Variants in HTRA3 observed in about 807,000 individuals in gnomAD.
The protein encoded by HTRA3 is serine protease HTRA3.
A neutral mutation model predicts 43.2 loss-of-function variants in HTRA3; 41 were observed. The observed-to-expected ratio is 0.95, with a 90% CI of 0.74 to 1.23. HTRA3 has a LOEUF of 1.23. Ranked by LOEUF, HTRA3 falls within the 50% of genes most tolerant of loss-of-function variation. HTRA3 has a pLI of 0.00. For synonymous variants in HTRA3, 295 were observed against 287.9 expected (o/e 1.02, Z -0.25); for missense variants, 628 against 647.1 (o/e 0.97, Z 0.32).
chr4:8,273,612 C>A (rs138044571), intron 1 of HTRA3, among the ~76,000 whole-genome samples: 1 of 150,776 alleles, frequency 6.6e-6, no homozygotes, highest in East Asian at 2.0e-4. Flanking sequence ...GCCCCCGGGT[C>A]TCTCCTGAGT....
chr4:8,275,207 C>T (rs986495222), intron 1 of HTRA3, among the ~76,000 whole-genome samples: 6 of 152,206 alleles, frequency 3.9e-5, no homozygotes, highest in African/African-American at 9.6e-5. Context: ...CCCTTCCTGC[C>T]GGGGCTTGGC....
intron 5 of HTRA3, among the ~76,000 whole-genome samples, 159 bp from the exon 6 acceptor site, chr4:8,293,928 G>T (rs1277278205): frequency 1.3e-5 from 2 of 152,048 alleles, no homozygotes; most frequent in African/African-American, 4.8e-5. Context: ...ACTGACACAG[G>T]TGTGATCCTG....
At position 8,292,323 on chromosome 4, in the gene HTRA3, C is replaced by A. The variant is rs367887152; in HGVS notation, c.906C>A (p.Tyr302Ter). ...DYIQTDAIINYGNSGGPLVNL... is the reference protein window; with the variant it reads ...DYIQTDAIIN ...AATGCTGTTTCCTCCCCTTGCAGTA[C>A]GGGAACTCCGGGGGACCACTGGTGA... Residue 302 changes from tyrosine to a stop codon, truncating the protein, a stop_gained and splice_region_variant, in exon 5 of 9, where the codon TAC becomes TAA. Transcript: ENST00000307358. LOFTEE classifies it high-confidence loss of function. 1 of 1,613,012 alleles carries A rather than the reference C, an allele frequency of 6.2e-7. No individual in the cohort carries two copies. Among genetic ancestry groups the A allele is most frequent in the East Asian group, 2.2e-5 (1 of 44,852 alleles).
At chr4:8,270,842 C>A (rs974693508) in intron 1 of HTRA3, among the ~76,000 whole-genome samples, 1 of 152,090 alleles carries the variant, frequency 6.6e-6, no homozygotes, top group Non-Finnish European at 1.5e-5. Flanking sequence ...CTGCTTAGGG[C>A]GCCCCAGGGA....
At chr4:8,287,111 G>A (rs1265846556) in intron 3 of HTRA3, among the ~76,000 whole-genome samples, 1 of 152,352 alleles carries the variant, frequency 6.6e-6, no homozygotes, top group Non-Finnish European at 1.5e-5. Context: ...TACTGGGGAT[G>A]CACCTGCCCC....
At chr4:8,301,264 C>A (rs1457006286) in intron 6 of HTRA3, among the ~76,000 whole-genome samples, 2 of 134,444 alleles carry the variant, frequency 1.5e-5, no homozygotes, top group African/African-American at 2.9e-5. Flanking sequence ...TTTATTGATT[C>A]ACACTCATCT....
At position 8,306,583 on chromosome 4, in the gene HTRA3, G is replaced by A. The variant is rs1297186999; in HGVS notation, c.*447G>A. ...GAGGCCCCAGCTTCCCTCTGCCCTA[G>A]GACTTACCAAGCTGTAGGGCCAGGG... On this transcript the variant is annotated 3_prime_UTR_variant, in exon 9 of 9. Coordinates refer to ENST00000307358, the MANE Select transcript of HTRA3 (RefSeq NM_053044.5). This position sits in a 1 kb window ranked among gnomAD's most constrained non-coding sequence, Gnocchi z 8.9. The A allele has an allele frequency of 6.0e-6, 1 of 166,144 alleles. No homozygotes were observed. The highest frequency in any genetic ancestry group is 1.3e-5 in the Non-Finnish European group (1 of 75,372). 10.3% of individuals were successfully genotyped at this position (166,144 alleles called of 1,614,324 possible).
chr4:8,305,062 G>A (rs534465551), intron 8 of HTRA3, among the ~76,000 whole-genome samples: 10 of 152,262 alleles, frequency 6.6e-5, no homozygotes, highest in African/African-American at 2.4e-4. Context: ...ACTACCACAT[G>A]CTGGCATGGC....
intron 1 of HTRA3, among the ~76,000 whole-genome samples, chr4:8,281,407 C>T (rs942177425): frequency 7.2e-5 from 11 of 152,180 alleles, no homozygotes; most frequent in South Asian, 2.1e-4. Context: ...GGCAGGGACT[C>T]GAAGTTTGCA....
At chr4:8,275,447 G>A (rs575600239) in intron 1 of HTRA3, among the ~76,000 whole-genome samples, 19 of 152,204 alleles carry the variant, frequency 1.2e-4, no homozygotes, top group Non-Finnish European at 2.5e-4. Flanking sequence ...CACCACAGCC[G>A]CAGACCCCTG....
chr4:8,273,902 T>C (rs4280715), intron 1 of HTRA3, among the ~76,000 whole-genome samples: 114,334 of 150,906 alleles, frequency 0.76, 43,942 homozygotes, highest in Middle Eastern at 0.89. Flanking sequence ...CCTCTCTGCC[T>C]CTCACTCCCC....
intron 1 of HTRA3, among the ~76,000 whole-genome samples, chr4:8,275,132 G>A (rs753100831): frequency 2.6e-5 from 4 of 152,178 alleles, no homozygotes; most frequent in Non-Finnish European, 4.4e-5. Context: ...AAGAGCTTTC[G>A]CCAAGGCTGC....
intron 5 of HTRA3, 24 bp from the exon 6 acceptor site, chr4:8,294,063 G>A (rs1426302944): frequency 3.2e-6 from 5 of 1,551,856 alleles, no homozygotes; most frequent in Non-Finnish European, 4.4e-6. Flanking sequence ...CCCAACTGAT[G>A]CCTGCTCTTA....
At chr4:8,300,695 T>C (rs1378118869) in intron 6 of HTRA3, among the ~76,000 whole-genome samples, 1 of 152,224 alleles carries the variant, frequency 6.6e-6, no homozygotes, top group Non-Finnish European at 1.5e-5. Flanking sequence ...TTCACTATTG[T>C]GTTTCTTTGA....
At chr4:8,285,439 G>A (rs1213476321) in intron 2 of HTRA3, among the ~76,000 whole-genome samples, 1 of 152,174 alleles carries the variant, frequency 6.6e-6, no homozygotes, top group Non-Finnish European at 1.5e-5. Context: ...CGTGCCAGAC[G>A]CTCCCATCCC....
intron 1 of HTRA3, among the ~76,000 whole-genome samples, chr4:8,275,654 G>T (rs1157162698): frequency 6.6e-6 from 1 of 152,218 alleles, no homozygotes; most frequent in African/African-American, 2.4e-5. Context: ...CCTGCCAGGT[G>T]GTCTGAACAC....
In HTRA3 at chr4:8,269,974, G is replaced by C. The variant is rs1318370164; in HGVS notation, c.6G>C (p.Gln2His). Residue 2 changes from glutamine to histidine, a missense_variant, in exon 1 of 9, where the codon CAG becomes CAC. Gln to His is a conservative substitution (Grantham distance 24). Coordinates refer to ENST00000307358, the MANE Select transcript of HTRA3 (RefSeq NM_053044.5). Reference sequence around the variant, plus strand: ...CCGCCGCCGGCCCTGCCGCCATGCAGGCGCGAGCGCTGCTCCTGGCCGCGT... The same window carrying C: ...CCGCCGCCGGCCCTGCCGCCATGCACGCGCGAGCGCTGCTCCTGGCCGCGT... Reference protein sequence around the residue: MQARALLLAALA... With the variant: MHARALLLAALA... 1 of 1,188,618 alleles carries C rather than the reference G, an allele frequency of 8.4e-7. No homozygotes were observed. The highest frequency in any genetic ancestry group is 3.8e-5 in the East Asian group (1 of 26,540). 73.6% of individuals were successfully genotyped at this position (1,188,618 alleles called of 1,614,324 possible). A position where few individuals can be genotyped will look rare whatever the true frequency, so the allele number is the denominator to read the frequency against.
At chr4:8,280,580 C>T (rs7340942) in intron 1 of HTRA3, among the ~76,000 whole-genome samples, 50,759 of 152,056 alleles carry the variant, frequency 0.33, 9,375 homozygotes, top group Non-Finnish European at 0.41. Context: ...TTGTAGGTGT[C>T]GAGCAGGGCA....
At position 8,279,530 on chromosome 4, in the gene HTRA3, G is replaced by A. The variant is rs900438696; in HGVS notation, c.386-2907G>A. On this transcript the variant is annotated intron_variant, in intron 1 of 8. Transcript: ENST00000307358. The surrounding 1 kb of genome is among the most constrained non-coding windows in gnomAD (Gnocchi z 7.4). ...GGCGCTTGAGGGGGTCCAGGGGCTG[G>A]GCTTTGGCAAGCAGGGGGTGGACAC... Among the ~76,000 whole-genome samples the A allele has an allele frequency of 1.3e-5, 2 of 152,094 alleles. No individual in the cohort carries two copies. Among genetic ancestry groups the A allele is most frequent in the Non-Finnish European group, 2.9e-5 (2 of 68,006 alleles).
Sources: gnomAD v4.1 joint callset for allele counts (sites outside exome capture counted in the v4.1 genomes callset) on GRCh38, gnomAD v4.1.1 for gene constraint, Gnocchi (gnomAD v3.1) non-coding constraint, MANE v1.5 for transcripts, NCBI Gene and HGNC (gene_info 2026-07-23, HGNC 2026-07-21) for gene names.